The following PPARGC1B variants were observed in gnomAD, a reference collection of about 807,000 sequenced individuals.
PPARGC1B encodes the protein PPARG coactivator 1 beta, also known as peroxisome proliferator-activated receptor gamma coactivator 1-beta.
PPARGC1B carries 34 observed loss-of-function variants against 101.6 expected under a neutral mutation model. That is an observed-to-expected ratio of 0.33 (90% CI 0.25 to 0.45). The LOEUF (loss-of-function observed/expected upper bound fraction) is 0.45, where lower values mean the gene tolerates loss of function less well. Ranked by LOEUF, PPARGC1B falls within the 20% of genes least tolerant of loss-of-function variation. The pLI is 1.00. For synonymous variants in PPARGC1B, 548 were observed against 539.3 expected, an observed-to-expected ratio of 1.02 and a Z score of -0.22; for missense variants, 1,234 against 1,317.6, an observed-to-expected ratio of 0.94 and a Z score of 0.98.
chr5:149,831,239 T>TG (rs1758771780), intron 4 of PPARGC1B, among the ~76,000 whole-genome samples: 2 of 151,960 alleles, frequency 1.3e-5, no homozygotes, highest in African/African-American at 4.8e-5. Flanking sequence ...ATAGTTTGGA[T>TG]TTTTTTTCCC....
At chr5:149,831,314 C>T (rs1299584772) in intron 4 of PPARGC1B, among the ~76,000 whole-genome samples, 1 of 152,150 alleles carries the variant, frequency 6.6e-6, no homozygotes, top group Non-Finnish European at 1.5e-5. Flanking sequence ...AAGAACATCC[C>T]TTTTCCTCCT....
chr5:149,840,830 C>T (rs2113434243), intron 9 of PPARGC1B, among the ~76,000 whole-genome samples: 1 of 152,300 alleles, frequency 6.6e-6, no homozygotes, highest in East Asian at 1.9e-4. Context: ...CAGACTCCTG[C>T]TGAGTCTCTC....
intron 1 of PPARGC1B, among the ~76,000 whole-genome samples, chr5:149,780,164 G>A (rs1003569517): frequency 1.3e-5 from 2 of 152,178 alleles, no homozygotes; most frequent in Non-Finnish European, 1.5e-5. Flanking sequence ...GAGCAGAGCC[G>A]TGTGTGATTG....
chr5:149,839,984 C>A, intron 8 of PPARGC1B, 57 bp from the exon 9 acceptor site: 1 of 1,560,834 alleles, frequency 6.4e-7, no homozygotes, highest in Non-Finnish European at 8.8e-7. Flanking sequence ...AGATCCGCCC[C>A]CACCCCCATG....
intron 1 of PPARGC1B, among the ~76,000 whole-genome samples, chr5:149,781,879 C>G (rs1349412486): frequency 7.2e-5 from 11 of 152,204 alleles, no homozygotes; most frequent in African/African-American, 2.4e-4. Context: ...CCTGACAGGA[C>G]TTGGCCTGTG....
chr5:149,829,936 G>A (rs1581105121), intron 3 of PPARGC1B, among the ~76,000 whole-genome samples: 1 of 149,786 alleles, frequency 6.7e-6, no homozygotes, highest in East Asian at 2.0e-4. Flanking sequence ...TTGGGAGGCT[G>A]AGGCAGGAGA....
At chr5:149,765,254 A>T (rs1755867771) in intron 1 of PPARGC1B, among the ~76,000 whole-genome samples, 1 of 152,218 alleles carries the variant, frequency 6.6e-6, no homozygotes, top group Non-Finnish European at 1.5e-5. Context: ...CTCGGTTACC[A>T]TTTCACCTGT....
At chr5:149,838,550 G>A (rs1480828129) in intron 8 of PPARGC1B, among the ~76,000 whole-genome samples, 1 of 152,290 alleles carries the variant, frequency 6.6e-6, no homozygotes, top group South Asian at 2.1e-4. Context: ...CAGTTGCCCA[G>A]GTTCTCTTCA....
rs200534215 is a variant in PPARGC1B, at chr5:149,832,739, G to T, written c.666G>T (p.Ser222=). The part of the protein sequence containing the change: ...SCTELHKHLT[S]AQCCLQDRGL... ...CAGAACTACATAAGCACCTCACCTC[G>T]GCACAGTGCTGCCTGCAGGATCGGG... Residue 222 remains serine (S), a synonymous_variant, in exon 5 of 12, where the codon TCG becomes TCT. Transcript: ENST00000309241. This position sits in a 1 kb window ranked among gnomAD's most constrained non-coding sequence, Gnocchi z 4.9. 2 of 1,609,262 alleles carry T rather than the reference G, an allele frequency of 1.2e-6. No individual in the cohort carries two copies. Among genetic ancestry groups the T allele is most frequent in the Non-Finnish European group, 1.7e-6 (2 of 1,177,014 alleles).
intron 1 of PPARGC1B, among the ~76,000 whole-genome samples, chr5:149,767,350 T>A (rs538723867): frequency 1.3e-5 from 2 of 152,308 alleles, no homozygotes; most frequent in South Asian, 4.1e-4. Context: ...TCCTTGATAA[T>A]GAATGATTGT....
chr5:149,745,110 G>A lies in PPARGC1B; in HGVS notation c.78+14690G>A, dbSNP rs202191429. ...GAGATAGGGTCTTGCTATATTGCCCGGGCTGGTCTCGAACTCCTAGGCTCA... is the reference window on the plus strand; with the variant it reads ...GAGATAGGGTCTTGCTATATTGCCCAGGCTGGTCTCGAACTCCTAGGCTCA... On this transcript the variant is annotated intron_variant, in intron 1 of 11. Transcript: ENST00000309241. Among the ~76,000 whole-genome samples, 407 of 151,952 alleles carry A rather than the reference G, an allele frequency of 2.7e-3. 5 individuals are homozygous for A. The highest frequency in any genetic ancestry group is 0.023 in the South Asian group (109 of 4,794).
chr5:149,742,924 C>T (rs1754959760), intron 1 of PPARGC1B, among the ~76,000 whole-genome samples: 1 of 152,074 alleles, frequency 6.6e-6, no homozygotes. Flanking sequence ...TACCCTGCCT[C>T]AGCTGTGGGG....
chr5:149,782,660 G>A (rs1440065708), intron 1 of PPARGC1B, among the ~76,000 whole-genome samples: 1 of 152,230 alleles, frequency 6.6e-6, no homozygotes, highest in African/African-American at 2.4e-5. Context: ...CAAGAGGGAG[G>A]GGAGGCTGGG....
chr5:149,830,668 C>A, intron 3 of PPARGC1B, 99 bp from the exon 4 acceptor site: 1 of 822,970 alleles, frequency 1.2e-6, no homozygotes, highest in Non-Finnish European at 2.1e-6. Flanking sequence ...CCCTGTGGTC[C>A]TGTGATGCCC....
At chr5:149,847,278 A>G (rs1325887153) in intron 11 of PPARGC1B, 180 bp from the exon 12 acceptor site, 4 of 733,954 alleles carry the variant, frequency 5.4e-6, no homozygotes, top group Non-Finnish European at 1.0e-5. Flanking sequence ...ACCATGGCCA[A>G]GATGTCCCAG....
rs1185600417 is a variant in PPARGC1B at position 149,851,838 on chromosome 5, G to A, written c.*4280G>A. 6.6e-6 allele frequency: 1 copy of A among 152,244 alleles called. No homozygotes were observed. Among genetic ancestry groups the A allele is most frequent in the Admixed American group, 6.5e-5 (1 of 15,286 alleles). 9.4% of individuals were successfully genotyped at this position (152,244 alleles called of 1,614,324 possible). On this transcript the variant is annotated 3_prime_UTR_variant, in exon 12 of 12. Transcript: ENST00000309241. ...ACCACCATGGGATGGGGGAGGCCCTGAGCCGGCTACAAGACACCCAGGAAG... is the reference window on the plus strand; with the variant it reads ...ACCACCATGGGATGGGGGAGGCCCTAAGCCGGCTACAAGACACCCAGGAAG...
chr5:149,827,291 C>G (rs75775502), intron 3 of PPARGC1B, among the ~76,000 whole-genome samples: 1,888 of 152,286 alleles, frequency 0.012, 28 homozygotes, highest in African/African-American at 0.042. Flanking sequence ...CAGAGGTAAC[C>G]ATGGTTACTG....
At chr5:149,846,030 CCCCA>C in intron 11 of PPARGC1B, 116 bp downstream of exon 11, 1 of 1,205,702 alleles carries the variant, frequency 8.3e-7, no homozygotes, top group Non-Finnish European at 1.2e-6. Flanking sequence ...CATCCCCACA[CCCCA>C]GTGTGCTGCT....
At chr5:149,771,484 T>C (rs1303520539) in intron 1 of PPARGC1B, among the ~76,000 whole-genome samples, 1 of 152,214 alleles carries the variant, frequency 6.6e-6, no homozygotes, top group East Asian at 1.9e-4. Flanking sequence ...AGGGCCCTGA[T>C]TGCCCAGGTC....
Sources: gnomAD v4.1 joint callset for allele counts (sites outside exome capture counted in the v4.1 genomes callset) on GRCh38, gnomAD v4.1.1 for gene constraint, Gnocchi (gnomAD v3.1) non-coding constraint, MANE v1.5 for transcripts, NCBI Gene and HGNC (gene_info 2026-07-23, HGNC 2026-07-21) for gene names.